The following SGMS1 variants were observed in gnomAD, a reference collection of about 807,000 sequenced individuals.
SGMS1 encodes sphingomyelin synthase 1.
In SGMS1, 13 loss-of-function variants were observed where a neutral mutation model predicts 46.2. The ratio of observed to expected loss-of-function variants is 0.28; its 90% CI spans 0.18 to 0.45. The LOEUF is 0.45. Among genes scored for constraint, SGMS1 ranks in the 20% least tolerant of loss-of-function variants. The probability of loss-of-function intolerance (pLI) is 1.00; values close to 1 mark genes in which losing one functional copy is unlikely to be tolerated. For synonymous variants in SGMS1, 203 were observed against 187.8 expected (o/e 1.08, Z -0.66); for missense variants, 324 against 519.9 (o/e 0.62, Z 3.66).
intron 6 of SGMS1, among the ~76,000 whole-genome samples, chr10:50,375,882 AGATGG>A (rs1848515478): frequency 6.6e-6 from 1 of 152,120 alleles, no homozygotes; most frequent in Admixed American, 6.5e-5. Context: ...TTTTTTTAAG[AGATGG>A]GGTCTCACTA....
chr10:50,394,786 A>G (rs1194782665), intron 6 of SGMS1, among the ~76,000 whole-genome samples: 3 of 152,186 alleles, frequency 2.0e-5, no homozygotes, highest in African/African-American at 4.8e-5. Context: ...GTTTTTTTCC[A>G]GGATTTTGCT....
At chr10:50,358,972 T>C (rs999090611) in intron 6 of SGMS1, among the ~76,000 whole-genome samples, 1 of 152,222 alleles carries the variant, frequency 6.6e-6, no homozygotes, top group African/African-American at 2.4e-5. Context: ...TGAGAAAATT[T>C]TAGAAGATTA....
At chr10:50,399,563 T>A (rs913689089) in intron 6 of SGMS1, among the ~76,000 whole-genome samples, 1 of 152,162 alleles carries the variant, frequency 6.6e-6, no homozygotes, top group African/African-American at 2.4e-5. Flanking sequence ...TGAGAAAAAG[T>A]GCTTAGCAGA....
At chr10:50,467,045 G>GGA (rs1837336531) in intron 3 of SGMS1, 113 bp from the exon 4 acceptor site, 1 of 151,562 alleles carries the variant, frequency 6.6e-6, no homozygotes, top group East Asian at 1.9e-4. Context: ...CGTATACATA[G>GGA]GAAAAAAAAA....
At chr10:50,413,581 C>A (rs1329195393) in intron 6 of SGMS1, among the ~76,000 whole-genome samples, 1 of 152,180 alleles carries the variant, frequency 6.6e-6, no homozygotes, top group Non-Finnish European at 1.5e-5. Flanking sequence ...CTGTCCTGTG[C>A]ACTGTAGGAT....
intron 3 of SGMS1, among the ~76,000 whole-genome samples, chr10:50,477,775 C>T (rs1837440687): frequency 1.3e-5 from 2 of 152,142 alleles, no homozygotes; most frequent in Admixed American, 1.3e-4. Flanking sequence ...TACCTCCTCC[C>T]ACTCTCTCTT....
chr10:50,480,640 A>G lies in SGMS1; in HGVS notation c.-497-13708T>C, dbSNP rs572341178. On this transcript the variant is annotated intron_variant, in intron 3 of 10. Transcript: ENST00000361781. Reference sequence around the variant, plus strand: ...TAGATCTGTGCAACCGTGGATCTGGAGATACCCTCGTGAGCCCATATCACC... The same window carrying G: ...TAGATCTGTGCAACCGTGGATCTGGGGATACCCTCGTGAGCCCATATCACC... 4.6e-5 allele frequency among the ~76,000 whole-genome samples: 7 copies of G among 152,012 alleles called. No individual in the cohort carries two copies. In the South Asian group the frequency reaches 1.5e-3, roughly 32 times the overall value.
intron 3 of SGMS1, among the ~76,000 whole-genome samples, chr10:50,502,222 C>A (rs1837667246): frequency 6.7e-6 from 1 of 149,326 alleles, no homozygotes; most frequent in African/African-American, 2.5e-5. Context: ...CCTAGGTAAT[C>A]ATCTCTACTG....
At chr10:50,445,755 C>A (rs1233649104) in intron 5 of SGMS1, among the ~76,000 whole-genome samples, 2 of 152,114 alleles carry the variant, frequency 1.3e-5, no homozygotes, top group African/African-American at 4.8e-5. Context: ...GAAAAAAGAA[C>A]AGGATAACAG....
intron 2 of SGMS1, among the ~76,000 whole-genome samples, chr10:50,581,628 G>C (rs1838435117): frequency 6.6e-6 from 1 of 152,018 alleles, no homozygotes; most frequent in Non-Finnish European, 1.5e-5. Flanking sequence ...AAAATAAATG[G>C]GATTACATCT....
At chr10:50,614,850 T>G (rs976921581) in intron 1 of SGMS1, among the ~76,000 whole-genome samples, 9 of 152,250 alleles carry the variant, frequency 5.9e-5, no homozygotes, top group Non-Finnish European at 1.3e-4. Flanking sequence ...TTTTTCCTAC[T>G]TTCTTGGGCA....
At chr10:50,515,574 G>A (rs1588860683) in intron 3 of SGMS1, among the ~76,000 whole-genome samples, 1 of 152,342 alleles carries the variant, frequency 6.6e-6, no homozygotes, top group East Asian at 1.9e-4. Flanking sequence ...CTTTGCCTGA[G>A]CAGTGTGCCA....
At chr10:50,569,750 G>T (rs190534852) in intron 2 of SGMS1, among the ~76,000 whole-genome samples, 6 of 152,208 alleles carry the variant, frequency 3.9e-5, no homozygotes, top group Admixed American at 3.9e-4. Flanking sequence ...AATAGCATGT[G>T]GTCATTAAAA....
intron 2 of SGMS1, among the ~76,000 whole-genome samples, chr10:50,583,510 C>A (rs1838454433): frequency 6.6e-6 from 1 of 152,150 alleles, no homozygotes; most frequent in African/African-American, 2.4e-5. Flanking sequence ...TACCTGGCCA[C>A]AGCCACTGGT....
intron 2 of SGMS1, among the ~76,000 whole-genome samples, chr10:50,520,901 C>CT (rs975445635): frequency 4.6e-4 from 67 of 147,232 alleles, no homozygotes; most frequent in African/African-American, 7.9e-4. Flanking sequence ...GTTTTATTTT[C>CT]TTTTTTTTTT....
chr10:50,424,631 A>G (rs970605994), intron 6 of SGMS1, among the ~76,000 whole-genome samples: 6 of 152,214 alleles, frequency 3.9e-5, no homozygotes, highest in Non-Finnish European at 8.8e-5. Flanking sequence ...AATGGGAGAA[A>G]ATATTTGCAA....
At chr10:50,463,476 C>T (rs1334605396) in intron 4 of SGMS1, among the ~76,000 whole-genome samples, 3 of 152,194 alleles carry the variant, frequency 2.0e-5, no homozygotes, top group Non-Finnish European at 4.4e-5. Context: ...GATATCATCT[C>T]ACACCCATTA....
intron 1 of SGMS1, among the ~76,000 whole-genome samples, chr10:50,612,009 C>T (rs1325057922): frequency 6.6e-6 from 1 of 152,180 alleles, no homozygotes; most frequent in Non-Finnish European, 1.5e-5. Flanking sequence ...CTGCTTTCAC[C>T]CAGCCCCCTG....
chr10:50,467,677 T>C (rs773348847), intron 3 of SGMS1, among the ~76,000 whole-genome samples: 3 of 152,212 alleles, frequency 2.0e-5, no homozygotes, highest in African/African-American at 7.2e-5. Context: ...TGCCTTCAAA[T>C]AGCACACATT....
Sources: allele counts gnomAD v4.1 joint callset (sites outside exome capture counted in the v4.1 genomes callset), GRCh38; gene constraint gnomAD v4.1.1; transcripts MANE v1.5; gene names NCBI Gene and HGNC (gene_info 2026-07-23, HGNC 2026-07-21).